The following INPP5F variants were observed in gnomAD, a reference collection of about 807,000 sequenced individuals.
The protein encoded by INPP5F is inositol polyphosphate-5-phosphatase F.
A neutral mutation model predicts 137.2 loss-of-function variants in INPP5F; 97 were observed. The ratio of observed to expected loss-of-function variants is 0.71; its 90% CI spans 0.60 to 0.84. The LOEUF is 0.84. Among genes scored for constraint, INPP5F ranks in the 40% least tolerant of loss-of-function variants. INPP5F has a pLI of 0.00. For missense variants in INPP5F, 1,271 were observed against 1,371.9 expected (o/e 0.93, Z 1.16); for synonymous variants, 504 against 476.9 (o/e 1.06, Z -0.74).
chr10:119,819,435 A>C (rs1311688795), intron 15 of INPP5F: 19 of 1,518,510 alleles, frequency 1.3e-5, no homozygotes, highest in Non-Finnish European at 1.7e-5. Flanking sequence ...AATAGGAGCT[A>C]GGATGAAAGT....
intron 1 of INPP5F, among the ~76,000 whole-genome samples, chr10:119,737,111 G>A (rs1848237690): frequency 6.6e-6 from 1 of 152,150 alleles, no homozygotes; most frequent in African/African-American, 2.4e-5. Flanking sequence ...TTACAGACAT[G>A]AGCCACTGTG....
At chr10:119,783,961 A>G (rs1849790788) in intron 3 of INPP5F, among the ~76,000 whole-genome samples, 1 of 152,090 alleles carries the variant, frequency 6.6e-6, no homozygotes, top group Non-Finnish European at 1.5e-5. Flanking sequence ...AGTTTGGTAC[A>G]CCTTTCTCTC....
chr10:119,821,766 A>ACG (rs1299375302), intron 16 of INPP5F, among the ~76,000 whole-genome samples: 1 of 150,162 alleles, frequency 6.7e-6, no homozygotes, highest in Admixed American at 6.6e-5. Flanking sequence ...GTGTGTGCAC[A>ACG]CGCGCGCGCA....
At chr10:119,771,885 T>G (rs1341323455) in intron 2 of INPP5F, among the ~76,000 whole-genome samples, 1 of 32,386 alleles carries the variant, frequency 3.1e-5, no homozygotes, top group Non-Finnish European at 5.9e-5. Context: ...TATATATATT[T>G]TTTTTTTTTT....
chr10:119,824,437 C>T lies in INPP5F; in HGVS notation c.2249+535C>T, dbSNP rs1322585209. ...CCTCCATGTAGGTTTGTCCAGTGTT[C>T]TTTCCTGATGAAGCTAAGGTTATGC... On this transcript the variant is annotated intron_variant, in intron 19 of 19. Transcript: ENST00000650623. Among the ~76,000 whole-genome samples, 3 of 152,164 alleles carry T rather than the reference C, an allele frequency of 2.0e-5. No homozygotes were observed. The South Asian group carries it at 6.2e-4, about 32-fold the overall frequency.
intron 13 of INPP5F, among the ~76,000 whole-genome samples, chr10:119,809,067 A>G (rs544010827): frequency 6.6e-6 from 1 of 152,198 alleles, no homozygotes; most frequent in South Asian, 2.1e-4. Flanking sequence ...CTACAAAAAT[A>G]TAAAAATTAG....
At chr10:119,810,054 A>G (rs377081475) in intron 13 of INPP5F, 46 bp from the exon 14 acceptor site, 1 of 1,059,376 alleles carries the variant, frequency 9.4e-7, no homozygotes, top group Non-Finnish European at 1.5e-6. Context: ...TTTTGGGGGC[A>G]TTCTTGTGTT....
At position 119,753,962 on chromosome 10, in the gene INPP5F, A is replaced by G. The variant is rs79883835; in HGVS notation, c.178+2806A>G. On this transcript the variant is annotated intron_variant, in intron 2 of 19. Transcript: ENST00000650623. ...TCTCTGACAAACTGCCTCTCCCTCT[A>G]TGTCTCTTTTATTCTTCTCTCTTTT... Among the ~76,000 whole-genome samples the G allele has an allele frequency of 6.4e-4, 97 of 152,146 alleles. 1 individual carries two copies. Among genetic ancestry groups the G allele is most frequent in the African/African-American group, 2.2e-3 (92 of 41,514 alleles).
chr10:119,771,228 G>GT (rs201351857), intron 2 of INPP5F, among the ~76,000 whole-genome samples: 158 of 151,700 alleles, frequency 1.0e-3, no homozygotes, highest in African/African-American at 3.4e-3. Context: ...CTTTGTGATT[G>GT]TTTTTTTTCA....
rs1486026885 is a variant in INPP5F, at chr10:119,811,777, G to A, written c.1708G>A (p.Val570Met). 1.9e-6 allele frequency: 3 copies of A among 1,613,910 alleles called. No homozygotes were observed. Among genetic ancestry groups the A allele is most frequent in the Non-Finnish European group, 2.5e-6 (3 of 1,179,814 alleles). Residue 570 changes from valine (V) to methionine (M), a missense_variant, in exon 15 of 20, where the codon GTG (valine) becomes ATG (methionine). Val to Met is a conservative substitution (Grantham distance 21). This residue lies in a region of INPP5F where 593 missense variants were observed against 712.4 expected (regional missense o/e 0.83). Coordinates refer to ENST00000650623, the MANE Select transcript of INPP5F (RefSeq NM_014937.4). The part of the protein sequence containing the change: ...AVIDLMQGIP[V>M]TEDLYSIFTK... The stretch of plus-strand genomic sequence containing the variant: ...CCTAGATTTGATGCAAGGCATTCCA[G>A]TGACAGAAGATCTTTATTCCATATT...
chr10:119,816,519 T>C (rs192798594), intron 15 of INPP5F: 2 of 152,402 alleles, frequency 1.3e-5, no homozygotes, highest in Non-Finnish European at 2.9e-5. Context: ...ACCGATATTT[T>C]TCTTCCACTT....
At chr10:119,807,356 T>C (rs915044742) in intron 12 of INPP5F, among the ~76,000 whole-genome samples, 11 of 152,236 alleles carry the variant, frequency 7.2e-5, no homozygotes, top group South Asian at 2.1e-4. Flanking sequence ...GTTTATCTTA[T>C]GTACAGTGTT....
intron 16 of INPP5F, among the ~76,000 whole-genome samples, chr10:119,822,144 C>T (rs1237528306): frequency 3.3e-5 from 5 of 151,946 alleles, no homozygotes; most frequent in Non-Finnish European, 5.9e-5. Flanking sequence ...CGCCTCGGCC[C>T]CCTAAAGTGC....
chr10:119,744,115 T>C (rs1176361858), intron 1 of INPP5F, among the ~76,000 whole-genome samples: 1 of 152,152 alleles, frequency 6.6e-6, no homozygotes, highest in Non-Finnish European at 1.5e-5. Flanking sequence ...TGTTTTCTCT[T>C]CTATTCTGTT....
Position 119,800,509 on chromosome 10 carries a change from A to C in INPP5F, c.1116+1899A>C, listed in dbSNP as rs1210176744. On this transcript the variant is annotated intron_variant, in intron 9 of 19. Coordinates refer to ENST00000650623, the MANE Select transcript of INPP5F (RefSeq NM_014937.4). ...CAGGAGGCAGAGGTTGCAGTAAGCC[A>C]AGGTTGCGCCACTGCACTCCTGGAC... 2.6e-5 allele frequency among the ~76,000 whole-genome samples: 4 copies of C among 151,670 alleles called. No individual in the cohort carries two copies. In the East Asian group the frequency reaches 7.7e-4, roughly 29 times the overall value.
At chr10:119,792,963 C>G (rs1850200912) in intron 6 of INPP5F, among the ~76,000 whole-genome samples, 1 of 152,082 alleles carries the variant, frequency 6.6e-6, no homozygotes, top group Non-Finnish European at 1.5e-5. Flanking sequence ...CAATGATTTT[C>G]ACATAATCTA....
rs1162118661 is a variant in INPP5F at position 119,781,631 on chromosome 10, T to G, written c.179-4T>G. The G allele has an allele frequency of 3.7e-6, 6 of 1,604,194 alleles. No homozygotes were observed. The highest frequency in any genetic ancestry group is 2.2e-5 in the East Asian group (1 of 44,680). On this transcript the variant is annotated splice_polypyrimidine_tract_variant and splice_region_variant and intron_variant, in intron 2 of 19. Transcript: ENST00000650623. ...CAGACTTTATTATGACTCTCCTCTT[T>G]CAGATCTTCCATGGTGGCTTATTCT...
At chr10:119,740,559 T>C (rs1450933868) in intron 1 of INPP5F, among the ~76,000 whole-genome samples, 1 of 152,232 alleles carries the variant, frequency 6.6e-6, no homozygotes, top group East Asian at 1.9e-4. Context: ...TTCTTTTTTT[T>C]TGAGACGGAG....
intron 9 of INPP5F, among the ~76,000 whole-genome samples, chr10:119,800,516 C>T (rs996309914): frequency 1.1e-4 from 17 of 148,538 alleles, no homozygotes; most frequent in Admixed American, 6.7e-4. Flanking sequence ...GCCAAGGTTG[C>T]GCCACTGCAC....
Sources: gnomAD v4.1 joint callset for allele counts (sites outside exome capture counted in the v4.1 genomes callset) on GRCh38, gnomAD v4.1.1 for gene constraint, gnomAD v4.1.1 regional missense constraint, MANE v1.5 for transcripts, NCBI Gene and HGNC (gene_info 2026-07-23, HGNC 2026-07-21) for gene names.